LAMA1: variants seen among roughly 807,000 people sequenced by gnomAD.
LAMA1 encodes the protein laminin subunit alpha-1.
A neutral mutation model predicts 348.7 loss-of-function variants in LAMA1; 219 were observed. The ratio of observed to expected loss-of-function variants is 0.63; its 90% CI spans 0.56 to 0.70. The LOEUF (loss-of-function observed/expected upper bound fraction) is 0.70, where lower values mean the gene tolerates loss of function less well. LAMA1 is among the 30% of genes least tolerant of loss of function. The probability of loss-of-function intolerance (pLI) is 0.00; values close to 1 mark genes in which losing one functional copy is unlikely to be tolerated. For missense variants in LAMA1, 3,744 were observed against 3,888.0 expected, an observed-to-expected ratio of 0.96 and a Z score of 0.99; for synonymous variants, 1,487 against 1,491.0, an observed-to-expected ratio of 1.00 and a Z score of 0.06.
chr18:7,012,075 T>A lies in LAMA1; in HGVS notation c.3427A>T (p.Asn1143Tyr), dbSNP rs1382866014. ...REGTFALRAD[N>Y]PLGCSPCFCS... ...AAGCACGGGCTGCAGCCCAGGGGGT[T>A]GTCTGCGCGGAGAGCGAAGGTGCCC... The change falls in exon 24 of 63, where the codon AAC (asparagine) becomes TAC (tyrosine). Residue 1143 changes from asparagine to tyrosine, a missense_variant. Asn to Tyr is a moderately radical substitution (Grantham distance 143). Transcript: ENST00000389658. 1 of 1,613,312 alleles carries A rather than the reference T, an allele frequency of 6.2e-7. No homozygotes were observed. Among genetic ancestry groups the A allele is most frequent in the Admixed American group, 1.7e-5 (1 of 59,954 alleles).
At chr18:7,115,921 G>A (rs1002509256) in intron 1 of LAMA1, among the ~76,000 whole-genome samples, 2 of 151,944 alleles carry the variant, frequency 1.3e-5, no homozygotes, top group Admixed American at 6.6e-5. Flanking sequence ...GGAGGTCGCA[G>A]TGAGCCGAGA....
At chr18:7,004,984 GGA>G (rs1387763051) in intron 29 of LAMA1, among the ~76,000 whole-genome samples, 1 of 152,164 alleles carries the variant, frequency 6.6e-6, no homozygotes, top group Non-Finnish European at 1.5e-5. Context: ...GCTGGGCCAT[GGA>G]GACACAGCAC....
Position 6,965,405 on chromosome 18 carries a change from G to GA in LAMA1, c.7077dup (p.Arg2360SerfsTer9). ...TCAGTCATAACCTTCACTCTGCCAC[G>GA]AAACAGCTCGATGGATAAAAAGTCT... On this transcript the variant is annotated frameshift_variant, in exon 50 of 63. Transcript: ENST00000389658. LOFTEE classifies it high-confidence loss of function. 6.2e-7 allele frequency: 1 copy of GA among 1,614,108 alleles called. No homozygotes were observed. The highest frequency in any genetic ancestry group is 8.5e-7 in the Non-Finnish European group (1 of 1,180,014).
intron 16 of LAMA1, among the ~76,000 whole-genome samples, chr18:7,030,136 A>G (rs1202050127): frequency 2.6e-5 from 4 of 152,216 alleles, no homozygotes; most frequent in African/African-American, 9.6e-5. Context: ...AACCTAGCAG[A>G]CATCACCTAA....
chr18:7,092,626 GA>G (rs35680760), intron 1 of LAMA1, among the ~76,000 whole-genome samples: 66,418 of 115,684 alleles, frequency 0.57, 17,773 homozygotes, highest in African/African-American at 0.63. Flanking sequence ...TCTGTCTCGG[GA>G]AAAAAAAAAA....
At position 7,034,893 on chromosome 18, in the gene LAMA1, T is replaced by C. The variant is rs148480062; in HGVS notation, c.1840-203A>G. ...TGTATTATTTTTAGAGGGGTTCTGG[T>C]AATAAACTGAAAGCCTGTGTACTTC... On this transcript the variant is annotated intron_variant, in intron 13 of 62. Coordinates refer to ENST00000389658, the MANE Select transcript of LAMA1 (RefSeq NM_005559.4). Among the ~76,000 whole-genome samples the C allele has an allele frequency of 2.0e-5, 3 of 152,284 alleles. No homozygotes were observed. In the East Asian group the frequency reaches 5.8e-4, roughly 29 times the overall value.
chr18:7,035,945 A>T, intron 13 of LAMA1, 42 bp downstream of exon 13: 1 of 1,494,554 alleles, frequency 6.7e-7, no homozygotes. Flanking sequence ...TCAGCCCACT[A>T]AGCCCTAAGC....
intron 28 of LAMA1, 79 bp downstream of exon 28, chr18:7,008,409 T>G: frequency 1.3e-6 from 2 of 1,532,984 alleles, no homozygotes; most frequent in East Asian, 4.5e-5. Context: ...ACATAAGTTC[T>G]GTTCATCTCT....
rs2057716656 is a variant in LAMA1 at position 6,982,545 on chromosome 18, T to C, written c.5842A>G (p.Ser1948Gly). Residue 1948 changes from serine (S) to glycine (G), a missense_variant, in exon 41 of 63, where the codon AGC (serine) becomes GGC (glycine). Around this residue, in one of 3 missense-constraint regions of LAMA1, gnomAD observed 1,983 missense variants for 1,934.3 expected, o/e 1.03. Transcript: ENST00000389658. ...VSNGKAAVQR[S>G]SRFLKEGNNL... ...TTGCCTTCTTTTAGAAATCTGGAGC[T>C]GCGCTGCACGGCCGCTTTCCCGTTA... 2 of 1,614,160 alleles carry C rather than the reference T, an allele frequency of 1.2e-6. No individual in the cohort carries two copies. The highest frequency in any genetic ancestry group is 2.7e-5 in the African/African-American group (2 of 75,030).
intron 36 of LAMA1, 136 bp from the exon 37 acceptor site, chr18:6,986,483 T>A (rs1027929108): frequency 4.0e-6 from 3 of 754,832 alleles, no homozygotes; most frequent in Non-Finnish European, 6.6e-6. Flanking sequence ...CATAACTTCT[T>A]AAGAATGGAA....
Position 6,949,147 on chromosome 18 carries a change from T to G in LAMA1, c.8510A>C (p.Tyr2837Ser). Residue 2837 changes from tyrosine to serine, a missense_variant, in exon 59 of 63, where the codon TAC becomes TCC. Around this residue, in one of 3 missense-constraint regions of LAMA1, gnomAD observed 1,983 missense variants for 1,934.3 expected, o/e 1.03. Coordinates refer to ENST00000389658, the MANE Select transcript of LAMA1 (RefSeq NM_005559.4). ...GTMLDVEGLF[Y>S]LGGLPSQYQA... ...GTACTGGGAGGGCAGGCCTCCTAGG[T>G]AGAACAAACCCTCCACATCCAGCAT... 1 of 1,614,140 alleles carries G rather than the reference T, an allele frequency of 6.2e-7. No homozygotes were observed.
chr18:7,101,287 T>A (rs2058290298), intron 1 of LAMA1, among the ~76,000 whole-genome samples: 1 of 152,200 alleles, frequency 6.6e-6, no homozygotes. Flanking sequence ...GAGATTCTCC[T>A]CACTCTTGTA....
chr18:7,087,049 GA>G (rs950873389), intron 1 of LAMA1, among the ~76,000 whole-genome samples: 4 of 152,148 alleles, frequency 2.6e-5, no homozygotes, highest in African/African-American at 7.2e-5. Context: ...GAAATAGAGA[GA>G]AAAATTATTA....
At chr18:6,973,025 A>T in intron 47 of LAMA1, 32 bp downstream of exon 47, 1 of 1,612,600 alleles carries the variant, frequency 6.2e-7, no homozygotes, top group South Asian at 1.1e-5. Flanking sequence ...TCAGTCAATC[A>T]GTCCTGTTCA....
chr18:7,113,798 C>T (rs192690284), intron 1 of LAMA1, among the ~76,000 whole-genome samples: 4 of 151,974 alleles, frequency 2.6e-5, no homozygotes, highest in African/African-American at 7.2e-5. Flanking sequence ...GGAAAGAGGC[C>T]GGGGGCAGTG....
chr18:7,075,604 C>T (rs1234966957), intron 3 of LAMA1, among the ~76,000 whole-genome samples: 1 of 149,676 alleles, frequency 6.7e-6, no homozygotes. Context: ...GTCTGGGAAA[C>T]AAGAGCGAAA....
chr18:6,946,283 C>T (rs887178772), intron 61 of LAMA1, among the ~76,000 whole-genome samples: 18 of 151,982 alleles, frequency 1.2e-4, no homozygotes, highest in Middle Eastern at 3.2e-3. Flanking sequence ...ATACCTACTG[C>T]GTTATTTCAT....
chr18:7,021,819 A>AATATAT (rs1353011495), intron 19 of LAMA1, among the ~76,000 whole-genome samples: 1 of 108,510 alleles, frequency 9.2e-6, no homozygotes, highest in African/African-American at 5.7e-5. Flanking sequence ...TATATAATAT[A>AATATAT]TATTATATAA....
intron 3 of LAMA1, among the ~76,000 whole-genome samples, chr18:7,057,923 T>C (rs2058088825): frequency 6.6e-6 from 1 of 151,618 alleles, no homozygotes; most frequent in Non-Finnish European, 1.5e-5. Flanking sequence ...GCCTCCCGAG[T>C]AGCTGGGATT....
Sources: allele counts gnomAD v4.1 joint callset (sites outside exome capture counted in the v4.1 genomes callset), GRCh38; gene constraint gnomAD v4.1.1; regional missense constraint gnomAD v4.1.1; transcripts MANE v1.5; gene names NCBI Gene and HGNC (gene_info 2026-07-23, HGNC 2026-07-21).